Variants in KCNH7 observed in about 807,000 individuals in gnomAD.
KCNH7 encodes the protein voltage-gated inwardly rectifying potassium channel KCNH7.
Under a neutral mutation model 120.8 loss-of-function variants are expected in KCNH7, and 49 were observed. That is an observed-to-expected ratio of 0.41 (90% CI 0.32 to 0.51). The LOEUF (loss-of-function observed/expected upper bound fraction) is 0.51. KCNH7 is among the 20% of genes least tolerant of loss of function. The pLI is 0.38. For synonymous variants in KCNH7, 547 were observed against 516.1 expected, an observed-to-expected ratio of 1.06 and a Z score of -0.81; for missense variants, 1,097 against 1,446.6, an observed-to-expected ratio of 0.76 and a Z score of 3.92.
chr2:162,577,777 A>T (rs1029672303), intron 2 of KCNH7, among the ~76,000 whole-genome samples: 1 of 152,068 alleles, frequency 6.6e-6, no homozygotes, highest in Non-Finnish European at 1.5e-5. Flanking sequence ...TTCTCCATAG[A>T]GTGAACTTGC....
chr2:162,694,125 A>G (rs957947696), intron 2 of KCNH7, among the ~76,000 whole-genome samples: 4 of 152,172 alleles, frequency 2.6e-5, no homozygotes, highest in African/African-American at 7.2e-5. Context: ...CTGAAGAACT[A>G]TAATTAACCA....
At chr2:162,634,112 C>G (rs1163946818) in intron 2 of KCNH7, among the ~76,000 whole-genome samples, 2 of 152,012 alleles carry the variant, frequency 1.3e-5, no homozygotes, top group Admixed American at 6.6e-5. Context: ...ATCATATCTT[C>G]TACTCATAGC....
intron 6 of KCNH7, among the ~76,000 whole-genome samples, chr2:162,500,971 T>C (rs1690668106): frequency 6.6e-6 from 1 of 152,118 alleles, no homozygotes; most frequent in African/African-American, 2.4e-5. Flanking sequence ...CAAAATGAAG[T>C]ATGTAATCCT....
intron 14 of KCNH7, among the ~76,000 whole-genome samples, chr2:162,377,927 C>T (rs59628951): frequency 0.011 from 1,670 of 152,136 alleles, 27 homozygotes; most frequent in African/African-American, 0.038. Context: ...GGTGATTGCA[C>T]GCCAAATGGA....
intron 2 of KCNH7, among the ~76,000 whole-genome samples, chr2:162,665,721 A>G (rs1342431829): frequency 1.3e-5 from 2 of 152,128 alleles, no homozygotes; most frequent in African/African-American, 4.8e-5. Flanking sequence ...TAATTATCCA[A>G]TGATTTAATA....
At chr2:162,791,202 T>C (rs1683928261) in intron 2 of KCNH7, among the ~76,000 whole-genome samples, 1 of 152,120 alleles carries the variant, frequency 6.6e-6, no homozygotes, top group African/African-American at 2.4e-5. Flanking sequence ...TTAAGTCAGG[T>C]AGCATGATGC....
At chr2:162,695,435 A>G (rs1196320087) in intron 2 of KCNH7, among the ~76,000 whole-genome samples, 1 of 152,122 alleles carries the variant, frequency 6.6e-6, no homozygotes, top group East Asian at 1.9e-4. Context: ...CAACATTTGC[A>G]ACAAAGCTGG....
At chr2:162,577,386 T>TATCC (rs1332377358) in intron 2 of KCNH7, among the ~76,000 whole-genome samples, 1 of 120,512 alleles carries the variant, frequency 8.3e-6, no homozygotes, top group East Asian at 2.1e-4. Flanking sequence ...TCTATCTATC[T>TATCC]ATCTATCTAT....
At chr2:162,612,041 T>A (rs945892239) in intron 2 of KCNH7, among the ~76,000 whole-genome samples, 1 of 152,190 alleles carries the variant, frequency 6.6e-6, no homozygotes, top group African/African-American at 2.4e-5. Context: ...TTCAGCATTA[T>A]GGTATATCAA....
chr2:162,472,534 A>G (rs1245845316), intron 6 of KCNH7, among the ~76,000 whole-genome samples: 1 of 152,198 alleles, frequency 6.6e-6, no homozygotes, highest in East Asian at 1.9e-4. Context: ...CAAAACCACA[A>G]TGAGATACCA....
In KCNH7 at chr2:162,720,956, C is replaced by T. The variant is rs191512528; in HGVS notation, c.307+115581G>A. ...TTATTAGCATTTTCTCTATCATTTT[C>T]TTAAATTTAGATTATCTACAAAACA... is the stretch of plus-strand genomic sequence containing the variant. On this transcript the variant is annotated intron_variant, in intron 2 of 15. Transcript: ENST00000332142. Among the ~76,000 whole-genome samples the T allele has an allele frequency of 9.6e-3, 1,468 of 152,176 alleles. 19 individuals are homozygous for T. Among genetic ancestry groups the T allele is most frequent in the Middle Eastern group, 0.017 (5 of 294 alleles).
chr2:162,811,051 G>T (rs1473792855), intron 2 of KCNH7, among the ~76,000 whole-genome samples: 1 of 151,994 alleles, frequency 6.6e-6, no homozygotes, highest in Non-Finnish European at 1.5e-5. Context: ...TTGAGATTTG[G>T]TGGCAGCAAC....
chr2:162,711,270 G>A (rs1686921477), intron 2 of KCNH7, among the ~76,000 whole-genome samples: 3 of 152,214 alleles, frequency 2.0e-5, no homozygotes, highest in Admixed American at 2.0e-4. Context: ...TGTATCAGCA[G>A]AGATTTTGAA....
At chr2:162,566,358 G>A (rs575817215) in intron 2 of KCNH7, among the ~76,000 whole-genome samples, 3 of 152,018 alleles carry the variant, frequency 2.0e-5, no homozygotes, top group South Asian at 2.1e-4. Flanking sequence ...TTTGGGACTC[G>A]CAAGTGTTCA....
chr2:162,704,967 T>C (rs551185008), intron 2 of KCNH7, among the ~76,000 whole-genome samples: 1 of 152,280 alleles, frequency 6.6e-6, no homozygotes, highest in South Asian at 2.1e-4. Context: ...AAGAAATGAA[T>C]TAAGTTTTTT....
intron 2 of KCNH7, among the ~76,000 whole-genome samples, chr2:162,792,949 G>T (rs1684008727): frequency 6.6e-6 from 1 of 151,478 alleles, no homozygotes; most frequent in African/African-American, 2.4e-5. Context: ...TTTTGATATG[G>T]GAATTTAATC....
intron 2 of KCNH7, among the ~76,000 whole-genome samples, chr2:162,602,948 CTTTT>C (rs569735028): frequency 7.4e-6 from 1 of 135,090 alleles, no homozygotes; most frequent in African/African-American, 2.7e-5. Context: ...AGCTGGAGGA[CTTTT>C]TTTTTTTTTT....
chr2:162,511,513 T>G (rs901791907), intron 5 of KCNH7, among the ~76,000 whole-genome samples: 1 of 146,410 alleles, frequency 6.8e-6, no homozygotes, highest in East Asian at 2.0e-4. Context: ...AACAATGATG[T>G]AGGTGAAATC....
chr2:162,771,530 T>C (rs1683054625), intron 2 of KCNH7, among the ~76,000 whole-genome samples: 1 of 152,138 alleles, frequency 6.6e-6, no homozygotes. Flanking sequence ...ATCATTCTTA[T>C]TTGTATACAT....
Sources: gnomAD v4.1 joint callset for allele counts (sites outside exome capture counted in the v4.1 genomes callset) on GRCh38, gnomAD v4.1.1 for gene constraint, MANE v1.5 for transcripts, NCBI Gene and HGNC (gene_info 2026-07-23, HGNC 2026-07-21) for gene names.